Variants in TIAM2 observed in about 807,000 individuals in gnomAD.
TIAM2 encodes rho guanine nucleotide exchange factor TIAM2.
Under a neutral mutation model 152.9 loss-of-function variants are expected in TIAM2, and 80 were observed. The observed-to-expected ratio is 0.52, with a 90% CI of 0.44 to 0.63. The LOEUF is 0.63. Ranked by LOEUF, TIAM2 falls within the 30% of genes least tolerant of loss-of-function variation. The pLI is 0.00. For synonymous variants in TIAM2, 804 were observed against 838.0 expected (o/e 0.96, Z 0.70); for missense variants, 1,965 against 2,120.1 (o/e 0.93, Z 1.44).
chr6:155,038,780 A>G (rs1457721614), intron 1 of TIAM2, among the ~76,000 whole-genome samples: 1 of 151,868 alleles, frequency 6.6e-6, no homozygotes, highest in Non-Finnish European at 1.5e-5. Context: ...CAAAATAAAA[A>G]TATTAGCCAG....
In TIAM2 at chr6:155,094,832, G is replaced by A. The variant is rs566973261; in HGVS notation, c.-118+4453G>A. ...TCCTGAGCTCAAGTGATCCGCCCGC[G>A]TCAGCCTCCCAAAGTGCTGGGATTA... On this transcript the variant is annotated intron_variant, in intron 2 of 26. Transcript: ENST00000682666. Among the ~76,000 whole-genome samples the A allele has an allele frequency of 6.0e-4, 90 of 150,854 alleles. 1 individual carries two copies. The highest frequency in any genetic ancestry group is 3.8e-4 in the Non-Finnish European group (26 of 67,702).
At chr6:155,161,041 A>G (rs1318094176) in intron 7 of TIAM2, among the ~76,000 whole-genome samples, 1 of 152,228 alleles carries the variant, frequency 6.6e-6, no homozygotes, top group East Asian at 1.9e-4. Context: ...CTTTCCAACA[A>G]ACCTAAGCAT....
chr6:155,148,011 ACTT>A, intron 6 of TIAM2, 96 bp from the exon 7 acceptor site: 1 of 1,178,702 alleles, frequency 8.5e-7, no homozygotes, highest in Non-Finnish European at 1.3e-6. Flanking sequence ...CAGTGCAAGT[ACTT>A]CTTGGGTTTT....
intron 4 of TIAM2, among the ~76,000 whole-genome samples, chr6:155,131,437 C>G (rs1779442962): frequency 6.6e-6 from 1 of 151,242 alleles, no homozygotes. Context: ...TCTTACAGTC[C>G]AAATAAAACA....
At chr6:155,062,951 A>AG (rs1777618929) in intron 1 of TIAM2, among the ~76,000 whole-genome samples, 2 of 152,302 alleles carry the variant, frequency 1.3e-5, no homozygotes, top group South Asian at 4.1e-4. Flanking sequence ...ATTTGCCAAC[A>AG]GTATGTCTTC....
chr6:155,243,277 C>T (rs938864477), intron 16 of TIAM2, among the ~76,000 whole-genome samples: 1 of 152,158 alleles, frequency 6.6e-6, no homozygotes, highest in Non-Finnish European at 1.5e-5. Flanking sequence ...TTGACCCTCC[C>T]AGCTCCATGC....
At chr6:155,045,235 T>C (rs1777148800) in intron 1 of TIAM2, among the ~76,000 whole-genome samples, 1 of 151,912 alleles carries the variant, frequency 6.6e-6, no homozygotes, top group Admixed American at 6.6e-5. Flanking sequence ...CCTGGCTTTT[T>C]GTAGTTTTAG....
intron 20 of TIAM2, 88 bp from the exon 21 acceptor site, chr6:155,249,763 T>C (rs1783540057): frequency 2.6e-6 from 3 of 1,146,390 alleles, no homozygotes; most frequent in South Asian, 1.5e-5. Context: ...GAATCCTGAG[T>C]TGAATCTTGA....
chr6:155,182,291 C>T lies in TIAM2; in HGVS notation c.2773C>T (p.Leu925Phe). ...CAGCCGGATATTTATAAGCGACGTT[C>T]TTCCCGATGGCCTGGCGTATGGGGA... ...HLSRIFISDV[L>F]PDGLAYGEGL... Residue 925 changes from leucine (L) to phenylalanine (F), a missense_variant, in exon 13 of 27, where the codon CTT becomes TTT. Coordinates refer to ENST00000682666, the MANE Select transcript of TIAM2 (RefSeq NM_012454.4). 2 of 1,614,188 alleles carry T rather than the reference C, an allele frequency of 1.2e-6. No individual in the cohort carries two copies. Among genetic ancestry groups the T allele is most frequent in the Non-Finnish European group, 1.7e-6 (2 of 1,179,998 alleles).
chr6:155,074,573 C>A (rs1298687324), intron 1 of TIAM2, among the ~76,000 whole-genome samples: 2 of 152,136 alleles, frequency 1.3e-5, no homozygotes, highest in African/African-American at 4.8e-5. Context: ...GTCTCGAACT[C>A]CTGACCTCAC....
intron 1 of TIAM2, among the ~76,000 whole-genome samples, chr6:155,015,944 CAAAAAA>C (rs3081689): frequency 3.6e-4 from 22 of 61,828 alleles, no homozygotes; most frequent in African/African-American, 8.1e-4. Flanking sequence ...TTCAAAAAAC[CAAAAAA>C]AAAAAAAAAA....
At chr6:155,247,738 T>C (rs564076820) in intron 19 of TIAM2, among the ~76,000 whole-genome samples, 1 of 152,294 alleles carries the variant, frequency 6.6e-6, no homozygotes, top group South Asian at 2.1e-4. Context: ...CATTCCTGCA[T>C]TTTGAGTCAG....
At chr6:155,189,403 A>T (rs961379686) in intron 14 of TIAM2, among the ~76,000 whole-genome samples, 1 of 152,032 alleles carries the variant, frequency 6.6e-6, no homozygotes, top group African/African-American at 2.4e-5. Context: ...TGGTTTTACC[A>T]GGACACAGAA....
chr6:155,090,182 C>G (rs1385059208), intron 1 of TIAM2, 107 bp from the exon 2 acceptor site: 1 of 152,196 alleles, frequency 6.6e-6, no homozygotes, highest in Non-Finnish European at 1.5e-5. Context: ...CTTCTTGTAT[C>G]AAGCCCAAGA....
chr6:155,131,955 T>C (rs952295783), intron 4 of TIAM2, among the ~76,000 whole-genome samples: 2 of 151,960 alleles, frequency 1.3e-5, no homozygotes, highest in Non-Finnish European at 2.9e-5. Flanking sequence ...GTGCATGTAA[T>C]AGAAAAATAT....
chr6:155,205,725 C>T (rs534765653), intron 14 of TIAM2, among the ~76,000 whole-genome samples: 4 of 152,272 alleles, frequency 2.6e-5, no homozygotes, highest in East Asian at 3.9e-4. Flanking sequence ...GACACCACCA[C>T]GCACGCCAGG....
intron 1 of TIAM2, among the ~76,000 whole-genome samples, chr6:154,999,267 C>T (rs375221200): frequency 2.6e-5 from 4 of 152,066 alleles, no homozygotes; most frequent in East Asian, 3.9e-4. Context: ...GGTTGGAGTG[C>T]AGTGGCGATC....
At chr6:155,250,006 T>TGTG (rs773930849) in intron 21 of TIAM2, 37 bp downstream of exon 21, 4 of 1,541,774 alleles carry the variant, frequency 2.6e-6, no homozygotes, top group Non-Finnish European at 3.6e-6. Context: ...GCCTAGTGCA[T>TGTG]GTGGTGTGGG....
At chr6:155,035,998 G>A (rs1174413780) in intron 1 of TIAM2, among the ~76,000 whole-genome samples, 1 of 151,978 alleles carries the variant, frequency 6.6e-6, no homozygotes, top group African/African-American at 2.4e-5. Context: ...ATCCCTTTTT[G>A]GGTAAATCTT....
Sources: gnomAD v4.1 joint callset for allele counts (sites outside exome capture counted in the v4.1 genomes callset) on GRCh38, gnomAD v4.1.1 for gene constraint, MANE v1.5 for transcripts, NCBI Gene and HGNC (gene_info 2026-07-23, HGNC 2026-07-21) for gene names.